Variants in PTPN13 observed in about 807,000 individuals in gnomAD.
PTPN13 encodes tyrosine-protein phosphatase non-receptor type 13.
Under a neutral mutation model 284.0 loss-of-function variants are expected in PTPN13, and 191 were observed. That is an observed-to-expected ratio of 0.67 (90% CI 0.60 to 0.76). The LOEUF (loss-of-function observed/expected upper bound fraction) is 0.76, where lower values mean the gene tolerates loss of function less well. Among genes scored for constraint, PTPN13 ranks in the 30% least tolerant of loss-of-function variants. PTPN13 has a pLI of 0.00. For missense variants in PTPN13, 2,797 were observed against 2,939.9 expected, an observed-to-expected ratio of 0.95 and a Z score of 1.12; for synonymous variants, 986 against 1,022.3, an observed-to-expected ratio of 0.96 and a Z score of 0.68.
At chr4:86,767,243 T>TA (rs1739431574) in intron 27 of PTPN13, among the ~76,000 whole-genome samples, 1 of 97,484 alleles carries the variant, frequency 1.0e-5, no homozygotes, top group Admixed American at 9.6e-5. Context: ...CACACCTGGC[T>TA]TTTTTTTTTT....
chr4:86,632,169 A>G (rs1171315137), intron 1 of PTPN13, among the ~76,000 whole-genome samples: 1 of 152,166 alleles, frequency 6.6e-6, no homozygotes, highest in African/African-American at 2.4e-5. Flanking sequence ...CATAATTAAA[A>G]GTACCTAGTC....
intron 26 of PTPN13, 142 bp downstream of exon 26, chr4:86,765,630 C>A: frequency 1.7e-6 from 1 of 573,430 alleles, no homozygotes; most frequent in Non-Finnish European, 2.9e-6. Context: ...CATTAAGAAA[C>A]TCTTTGATGC....
chr4:86,649,032 A>T (rs1157000159), intron 2 of PTPN13, among the ~76,000 whole-genome samples: 1 of 152,166 alleles, frequency 6.6e-6, no homozygotes, highest in Non-Finnish European at 1.5e-5. Context: ...TCCTTTGAGA[A>T]ATGTCTATTC....
At chr4:86,740,453 A>G (rs1277565332) in intron 15 of PTPN13, among the ~76,000 whole-genome samples, 1 of 152,144 alleles carries the variant, frequency 6.6e-6, no homozygotes, top group Non-Finnish European at 1.5e-5. Flanking sequence ...CCTTTTAGTC[A>G]TAGCTGGAGT....
intron 5 of PTPN13, among the ~76,000 whole-genome samples, chr4:86,690,881 C>T (rs920286745): frequency 6.6e-6 from 1 of 151,744 alleles, no homozygotes; most frequent in African/African-American, 2.4e-5. Flanking sequence ...ATGTATGAAA[C>T]CTGTGCTAGG....
intron 2 of PTPN13, among the ~76,000 whole-genome samples, chr4:86,658,758 C>T (rs1240163676): frequency 6.6e-6 from 1 of 151,906 alleles, no homozygotes; most frequent in Non-Finnish European, 1.5e-5. Context: ...TTTTTGAGAG[C>T]TGATAAAATA....
intron 2 of PTPN13, among the ~76,000 whole-genome samples, chr4:86,670,256 G>A (rs1727591090): frequency 7.5e-6 from 1 of 133,334 alleles, no homozygotes; most frequent in Non-Finnish European, 1.6e-5. Flanking sequence ...AAATATATCT[G>A]CAGTTGTGAT....
chr4:86,716,485 A>G (rs903250719), intron 7 of PTPN13, 45 bp from the exon 8 acceptor site: 1 of 1,096,120 alleles, frequency 9.1e-7, no homozygotes, highest in African/African-American at 1.6e-5. Flanking sequence ...TATGTGGAAT[A>G]GCTAATGAGT....
At chr4:86,635,693 G>A (rs113075920) in intron 2 of PTPN13, among the ~76,000 whole-genome samples, 7,096 of 152,234 alleles carry the variant, frequency 0.047, 221 homozygotes, top group African/African-American at 0.061. Context: ...GCCAGGTGCG[G>A]TGGCTTACAC....
chr4:86,709,068 CAT>C (rs1732083899), intron 7 of PTPN13, among the ~76,000 whole-genome samples: 1 of 151,048 alleles, frequency 6.6e-6, no homozygotes, highest in Non-Finnish European at 1.5e-5. Context: ...TACACACACA[CAT>C]ACACACACAC....
Position 86,722,123 on chromosome 4 carries a change from G to A in PTPN13, c.1386-89G>A. On this transcript the variant is annotated intron_variant, in intron 9 of 47. Coordinates refer to ENST00000411767, the MANE Select transcript of PTPN13 (RefSeq NM_080683.3). The stretch of plus-strand genomic sequence containing the variant: ...GAAAATAAAATTTGTTTAAACTCTT[G>A]CAACCTTACTTAAAATGAAATTTGC... The A allele has an allele frequency of 2.8e-6, 3 of 1,087,088 alleles. No individual in the cohort carries two copies. The South Asian group carries it at 4.2e-5, about 15-fold the overall frequency. 67.3% of individuals were successfully genotyped at this position (1,087,088 alleles called of 1,614,324 possible).
At chr4:86,714,678 A>G (rs1732815171) in intron 7 of PTPN13, among the ~76,000 whole-genome samples, 1 of 152,164 alleles carries the variant, frequency 6.6e-6, no homozygotes, top group Non-Finnish European at 1.5e-5. Flanking sequence ...TGACCTGTTC[A>G]TGCAATGAAA....
intron 1 of PTPN13, among the ~76,000 whole-genome samples, chr4:86,601,033 A>G (rs2149154987): frequency 6.6e-6 from 1 of 152,148 alleles, no homozygotes; most frequent in East Asian, 1.9e-4. Flanking sequence ...ATCTGTTCTA[A>G]TTTTATTTTG....
At chr4:86,765,988 G>A (rs1037844289) in intron 26 of PTPN13, among the ~76,000 whole-genome samples, 42 of 151,912 alleles carry the variant, frequency 2.8e-4, no homozygotes, top group African/African-American at 9.7e-4. Context: ...CCACCATGCC[G>A]GGCTAATTTT....
At chr4:86,670,624 T>C (rs554079892) in intron 2 of PTPN13, among the ~76,000 whole-genome samples, 1 of 152,290 alleles carries the variant, frequency 6.6e-6, no homozygotes, top group South Asian at 2.1e-4. Context: ...AGATTATTAG[T>C]GCGTTGTCTT....
chr4:86,773,740 G>T (rs188600317), intron 32 of PTPN13, among the ~76,000 whole-genome samples: 23 of 150,814 alleles, frequency 1.5e-4, no homozygotes. Flanking sequence ...GGAGATGAGG[G>T]GTGTGCAGCA....
chr4:86,794,264 CAG>C lies in PTPN13; in HGVS notation c.6346-2607_6346-2606del, dbSNP rs142909266. Among the ~76,000 whole-genome samples, 1,332 of 151,558 alleles carry C rather than the reference CAG, an allele frequency of 8.8e-3. 6 individuals carry two copies. Among genetic ancestry groups the C allele is most frequent in the Non-Finnish European group, 0.014 (926 of 67,710 alleles). On this transcript the variant is annotated intron_variant, in intron 40 of 47. Transcript: ENST00000411767. The stretch of plus-strand genomic sequence containing the variant: ...AGCATTCATATACACCAACAGTAGA[CAG>C]AGCCAAATCATGTGTGAACTCCCAT...
chr4:86,803,161 T>A (rs909162931), intron 42 of PTPN13, among the ~76,000 whole-genome samples: 1 of 151,294 alleles, frequency 6.6e-6, no homozygotes, highest in African/African-American at 2.4e-5. Context: ...CATGTATTTT[T>A]TATATATACA....
intron 15 of PTPN13, among the ~76,000 whole-genome samples, chr4:86,739,371 A>G (rs867377697): frequency 6.6e-4 from 101 of 152,318 alleles, no homozygotes; most frequent in African/African-American, 2.1e-3. Context: ...TTATAGTTCC[A>G]TGTGGCTGGG....
Sources: allele counts gnomAD v4.1 joint callset (sites outside exome capture counted in the v4.1 genomes callset), GRCh38; gene constraint gnomAD v4.1.1; transcripts MANE v1.5; gene names NCBI Gene and HGNC (gene_info 2026-07-23, HGNC 2026-07-21).